The following CDH18 variants were observed in gnomAD, a reference collection of about 807,000 sequenced individuals.
CDH18 encodes cadherin 18.
A neutral mutation model predicts 67.9 loss-of-function variants in CDH18; 31 were observed. The observed-to-expected ratio is 0.46, with a 90% CI of 0.34 to 0.62. The LOEUF is 0.62. Among genes scored for constraint, CDH18 ranks in the 20% least tolerant of loss-of-function variants. The pLI is 0.01. For synonymous variants in CDH18, 362 were observed against 347.2 expected (o/e 1.04, Z -0.48); for missense variants, 890 against 975.5 (o/e 0.91, Z 1.17).
chr5:19,728,270 T>C (rs944159510), intron 4 of CDH18, among the ~76,000 whole-genome samples: 2 of 152,156 alleles, frequency 1.3e-5, no homozygotes, highest in African/African-American at 4.8e-5. Flanking sequence ...ATTTTGAAAC[T>C]GTTTCCCTTA....
intron 1 of CDH18, among the ~76,000 whole-genome samples, chr5:20,270,225 T>C (rs1017233010): frequency 6.6e-6 from 1 of 151,922 alleles, no homozygotes; most frequent in Non-Finnish European, 1.5e-5. Context: ...TATTGAGTAA[T>C]AGAAACAGCT....
At chr5:19,483,835 A>G (rs186001615) in intron 11 of CDH18, among the ~76,000 whole-genome samples, 149 of 152,346 alleles carry the variant, frequency 9.8e-4, no homozygotes, top group African/African-American at 3.4e-3. Flanking sequence ...CCTAATAGCT[A>G]TAAGATTTAA....
At chr5:20,531,611 C>A (rs989612919) in intron 1 of CDH18, among the ~76,000 whole-genome samples, 2 of 151,332 alleles carry the variant, frequency 1.3e-5, no homozygotes, top group East Asian at 1.9e-4. Flanking sequence ...AAGCTGGAAG[C>A]CATTATCCTC....
chr5:19,754,622 C>A (rs1278933017), intron 3 of CDH18, among the ~76,000 whole-genome samples: 1 of 152,090 alleles, frequency 6.6e-6, no homozygotes, highest in African/African-American at 2.4e-5. Context: ...AGAAAGCCAA[C>A]AAGGAAACTG....
At chr5:19,506,090 G>A (rs541759069) in intron 10 of CDH18, among the ~76,000 whole-genome samples, 112 of 151,434 alleles carry the variant, frequency 7.4e-4, no homozygotes, top group African/African-American at 2.7e-3. Flanking sequence ...AAATCAATGT[G>A]GAAAAATCAC....
chr5:19,737,569 TG>T lies in CDH18; in HGVS notation c.523+9372del, dbSNP rs141657494. On this transcript the variant is annotated intron_variant, in intron 4 of 12. Coordinates refer to ENST00000382275, the MANE Select transcript of CDH18 (RefSeq NM_004934.5). ...CTGTGCCTGATCACTGAACATTCAC[TG>T]AACACCTGACTCCTAGGAAATGGAC... is the stretch of plus-strand genomic sequence containing the variant. Among the ~76,000 whole-genome samples, 1,285 of 152,320 alleles carry T rather than the reference TG, an allele frequency of 8.4e-3. 18 individuals carry two copies. The highest frequency in any genetic ancestry group is 0.03 in the African/African-American group (1,242 of 41,576).
intron 1 of CDH18, among the ~76,000 whole-genome samples, chr5:19,987,307 C>T (rs968860524): frequency 6.6e-6 from 1 of 150,488 alleles, no homozygotes; most frequent in Non-Finnish European, 1.5e-5. Context: ...GCATAATTTA[C>T]CTTGTTTTGC....
chr5:20,495,196 C>T (rs931486655), intron 1 of CDH18, among the ~76,000 whole-genome samples: 1 of 152,056 alleles, frequency 6.6e-6, no homozygotes, highest in Non-Finnish European at 1.5e-5. Context: ...TCATTCTCTT[C>T]CAATCTGAAA....
intron 1 of CDH18, among the ~76,000 whole-genome samples, chr5:20,270,503 G>C (rs148517547): frequency 1.2e-4 from 18 of 152,170 alleles, no homozygotes; most frequent in African/African-American, 3.9e-4. Context: ...CGAGGTTGTG[G>C]AGAAAAAAGG....
intron 3 of CDH18, among the ~76,000 whole-genome samples, chr5:19,801,341 T>C (rs1423012932): frequency 6.6e-6 from 1 of 152,210 alleles, no homozygotes. Flanking sequence ...TGAAACAATG[T>C]AGTAAAGTCT....
At chr5:20,033,617 G>A (rs1216368421) in intron 2 of CDH18, among the ~76,000 whole-genome samples, 1 of 152,024 alleles carries the variant, frequency 6.6e-6, no homozygotes, top group African/African-American at 2.4e-5. Context: ...TTGAAGAATA[G>A]TAGAACCAAA....
intron 2 of CDH18, among the ~76,000 whole-genome samples, chr5:20,221,262 A>G (rs1185750518): frequency 6.6e-6 from 1 of 152,146 alleles, no homozygotes; most frequent in Non-Finnish European, 1.5e-5. Flanking sequence ...TATATACACA[A>G]TGGAGCATTA....
chr5:19,954,821 A>C (rs570449671), intron 2 of CDH18, among the ~76,000 whole-genome samples: 2 of 151,858 alleles, frequency 1.3e-5, no homozygotes, highest in East Asian at 3.9e-4. Flanking sequence ...CCCAAACAAG[A>C]AGCACCTGTT....
intron 8 of CDH18, among the ~76,000 whole-genome samples, chr5:19,545,732 G>A (rs1282013892): frequency 6.6e-6 from 1 of 152,126 alleles, no homozygotes; most frequent in Non-Finnish European, 1.5e-5. Flanking sequence ...GGGAAAGGTA[G>A]TTTGGGAAAA....
chr5:20,412,865 C>A (rs1425002104), intron 1 of CDH18, among the ~76,000 whole-genome samples: 1 of 152,136 alleles, frequency 6.6e-6, no homozygotes, highest in Non-Finnish European at 1.5e-5. Flanking sequence ...GCACAACATG[C>A]AGGTTTGTCA....
intron 2 of CDH18, among the ~76,000 whole-genome samples, chr5:20,202,625 G>A (rs1185203619): frequency 6.6e-6 from 1 of 151,730 alleles, no homozygotes; most frequent in African/African-American, 2.4e-5. Flanking sequence ...TGTTCTTAAT[G>A]AATTTTACTC....
At chr5:20,007,425 A>G (rs1310862555) in intron 2 of CDH18, among the ~76,000 whole-genome samples, 1 of 152,126 alleles carries the variant, frequency 6.6e-6, no homozygotes, top group African/African-American at 2.4e-5. Context: ...TGCTTGAAAA[A>G]AATTGTTGAA....
At chr5:20,084,679 G>A (rs1016375276) in intron 2 of CDH18, among the ~76,000 whole-genome samples, 3 of 152,120 alleles carry the variant, frequency 2.0e-5, no homozygotes, top group African/African-American at 2.4e-5. Flanking sequence ...CTAGGCAGAG[G>A]TTCCCAAACC....
chr5:19,488,129 T>A (rs919709177), intron 11 of CDH18, among the ~76,000 whole-genome samples: 1 of 152,190 alleles, frequency 6.6e-6, no homozygotes, highest in Non-Finnish European at 1.5e-5. Context: ...CCTTGCAGGA[T>A]AGACTTTAAT....
Sources: allele counts gnomAD v4.1 joint callset (sites outside exome capture counted in the v4.1 genomes callset), GRCh38; gene constraint gnomAD v4.1.1; transcripts MANE v1.5; gene names NCBI Gene and HGNC (gene_info 2026-07-23, HGNC 2026-07-21).